The following CDH13 variants were observed in gnomAD, a reference collection of about 807,000 sequenced individuals.
The protein encoded by CDH13 is cadherin-13.
Under a neutral mutation model 63.8 loss-of-function variants are expected in CDH13, and 24 were observed. The ratio of observed to expected loss-of-function variants is 0.38; its 90% CI spans 0.27 to 0.53. CDH13 has a LOEUF of 0.53. CDH13 is among the 20% of genes least tolerant of loss of function. CDH13 has a pLI of 0.85. For synonymous variants in CDH13, 503 were observed against 355.3 expected, an observed-to-expected ratio of 1.42 and a Z score of -4.67; for missense variants, 1,049 against 903.1, an observed-to-expected ratio of 1.16 and a Z score of -2.07.
At chr16:82,748,285 T>C (rs940392399) in intron 1 of CDH13, among the ~76,000 whole-genome samples, 1 of 152,164 alleles carries the variant, frequency 6.6e-6, no homozygotes, top group African/African-American at 2.4e-5. Context: ...CATGTTCCCA[T>C]CCAGAAGAGG....
chr16:83,059,791 TTG>T (rs1285261108), intron 3 of CDH13, among the ~76,000 whole-genome samples: 3 of 119,080 alleles, frequency 2.5e-5, no homozygotes, highest in Admixed American at 9.8e-5. Context: ...TTTTTTTTGT[TTG>T]TTTTTTTTTT....
chr16:82,793,398 C>T (rs1000822762), intron 1 of CDH13, among the ~76,000 whole-genome samples: 4 of 151,922 alleles, frequency 2.6e-5, no homozygotes, highest in Admixed American at 2.6e-4. Context: ...AAAATCACTC[C>T]ACCCCTCCTG....
chr16:83,497,142 C>T (rs1384339144), intron 7 of CDH13, among the ~76,000 whole-genome samples: 1 of 152,056 alleles, frequency 6.6e-6, no homozygotes, highest in Non-Finnish European at 1.5e-5. Context: ...ACCATTTGAC[C>T]CAGCCATCCC....
intron 4 of CDH13, among the ~76,000 whole-genome samples, chr16:83,147,675 A>G (rs2151688452): frequency 6.6e-6 from 1 of 152,070 alleles, no homozygotes; most frequent in Admixed American, 6.5e-5. Flanking sequence ...GAAAGGGACA[A>G]CTCATTCCTT....
chr16:83,102,825 G>T (rs1205278226), intron 3 of CDH13, among the ~76,000 whole-genome samples: 2 of 151,288 alleles, frequency 1.3e-5, no homozygotes, highest in East Asian at 1.9e-4. Context: ...GAAGATGGAG[G>T]TCATTAACCA....
chr16:83,310,208 A>C (rs1401588743), intron 5 of CDH13, among the ~76,000 whole-genome samples: 1 of 152,232 alleles, frequency 6.6e-6, no homozygotes, highest in African/African-American at 2.4e-5. Context: ...TCATTTTGAA[A>C]GACTAGTTAT....
chr16:83,173,983 A>C (rs139561781), intron 4 of CDH13, among the ~76,000 whole-genome samples: 2 of 152,184 alleles, frequency 1.3e-5, no homozygotes, highest in African/African-American at 4.8e-5. Flanking sequence ...GCATGTAGAG[A>C]TATGACCAGA....
chr16:83,766,247 T>C (rs1369735574), intron 11 of CDH13, among the ~76,000 whole-genome samples: 2 of 152,218 alleles, frequency 1.3e-5, no homozygotes, highest in African/African-American at 4.8e-5. Context: ...ACAGAGCCAC[T>C]ACTCTCAAAA....
chr16:83,125,510 G>C lies in CDH13; in HGVS notation c.483+9G>C, dbSNP rs777518940. 1.4e-6 allele frequency: 2 copies of C among 1,408,634 alleles called. No individual in the cohort carries two copies. Among genetic ancestry groups the C allele is most frequent in the East Asian group, 2.3e-5 (1 of 43,884 alleles). The allele number at this position is 1,408,634 out of a possible 1,614,324, so 87.3% of individuals were successfully genotyped here. On this transcript the variant is annotated intron_variant, in intron 4 of 13. Coordinates refer to ENST00000567109, the MANE Select transcript of CDH13 (RefSeq NM_001257.5). The stretch of plus-strand genomic sequence containing the variant: ...CAAGAGATGTTGGCAAGGTAAGTCA[G>C]ACAAACAGCAAATGACAAAAACATG...
chr16:83,007,686 G>T (rs1350271950), intron 2 of CDH13, among the ~76,000 whole-genome samples: 1 of 152,056 alleles, frequency 6.6e-6, no homozygotes, highest in Middle Eastern at 3.4e-3. Context: ...TAGCTGGGCA[G>T]GGTGGCTTGT....
chr16:82,864,706 C>A (rs1393724506), intron 2 of CDH13, among the ~76,000 whole-genome samples: 2 of 152,180 alleles, frequency 1.3e-5, no homozygotes, highest in African/African-American at 2.4e-5. Flanking sequence ...CAGAGCCAGA[C>A]CATGTTATTC....
chr16:83,073,812 C>G (rs776921485), intron 3 of CDH13, among the ~76,000 whole-genome samples: 4 of 151,908 alleles, frequency 2.6e-5, no homozygotes, highest in African/African-American at 9.7e-5. Flanking sequence ...ATATACAGTA[C>G]AGCATAGCAA....
At chr16:83,216,119 C>T (rs1414341493) in intron 4 of CDH13, among the ~76,000 whole-genome samples, 1 of 151,730 alleles carries the variant, frequency 6.6e-6, no homozygotes, top group Admixed American at 6.6e-5. Context: ...TGTGCTGTTC[C>T]CTCTGCCTGG....
intron 6 of CDH13, among the ~76,000 whole-genome samples, chr16:83,363,715 C>G (rs1256960912): frequency 1.3e-5 from 2 of 152,152 alleles, no homozygotes; most frequent in Non-Finnish European, 2.9e-5. Context: ...GTTCCGTCAG[C>G]CTGGCACATG....
chr16:82,842,333 C>T (rs573445712), intron 1 of CDH13, among the ~76,000 whole-genome samples: 6 of 151,348 alleles, frequency 4.0e-5, no homozygotes, highest in South Asian at 2.1e-4. Context: ...GTAGCTGCAC[C>T]GAAGAGACAG....
chr16:83,392,084 A>T (rs1026148833), intron 6 of CDH13, among the ~76,000 whole-genome samples: 1 of 152,102 alleles, frequency 6.6e-6, no homozygotes. Context: ...GACACTCAAA[A>T]ATCGCCCCCT....
At chr16:82,708,137 C>G (rs1474390488) in intron 1 of CDH13, among the ~76,000 whole-genome samples, 1 of 152,156 alleles carries the variant, frequency 6.6e-6, no homozygotes, top group East Asian at 1.9e-4. Flanking sequence ...AAACATCTGT[C>G]TTTTACATTA....
At chr16:83,057,165 C>T (rs1392445061) in intron 3 of CDH13, among the ~76,000 whole-genome samples, 29 of 152,034 alleles carry the variant, frequency 1.9e-4, no homozygotes, top group Non-Finnish European at 4.4e-5. Context: ...TGGGGTTTCA[C>T]CATGTTGGCC....
At chr16:83,028,078 C>A (rs534940201) in intron 2 of CDH13, among the ~76,000 whole-genome samples, 2 of 152,304 alleles carry the variant, frequency 1.3e-5, no homozygotes, top group South Asian at 4.1e-4. Flanking sequence ...TCCTCTACCC[C>A]ATTCACTCCC....
Sources: allele counts gnomAD v4.1 joint callset (sites outside exome capture counted in the v4.1 genomes callset), GRCh38; gene constraint gnomAD v4.1.1; transcripts MANE v1.5; gene names NCBI Gene and HGNC (gene_info 2026-07-23, HGNC 2026-07-21).